EGFR: variants seen among roughly 807,000 people sequenced by gnomAD.
The protein encoded by EGFR is epidermal growth factor receptor.
Under a neutral mutation model 143.0 loss-of-function variants are expected in EGFR, and 58 were observed. The observed-to-expected ratio is 0.41, with a 90% CI of 0.33 to 0.50. The LOEUF is 0.50. Among genes scored for constraint, EGFR ranks in the 20% least tolerant of loss-of-function variants. EGFR has a pLI of 0.39. For synonymous variants in EGFR, 613 were observed against 594.4 expected, an observed-to-expected ratio of 1.03 and a Z score of -0.45; for missense variants, 1,307 against 1,579.0, an observed-to-expected ratio of 0.83 and a Z score of 2.92.
At chr7:55,024,078 C>A (rs944005258) in intron 1 of EGFR, among the ~76,000 whole-genome samples, 1 of 152,176 alleles carries the variant, frequency 6.6e-6, no homozygotes, top group Non-Finnish European at 1.5e-5. Context: ...TCTGATAAAG[C>A]TTTCTTGCTA....
At chr7:55,177,290 G>A (rs1169549848) in intron 19 of EGFR, among the ~76,000 whole-genome samples, 3 of 152,190 alleles carry the variant, frequency 2.0e-5, no homozygotes, top group African/African-American at 7.2e-5. Context: ...GGTAAAGAAA[G>A]CAAAAGCCAG....
At chr7:55,178,119 G>A (rs1256402292) in intron 19 of EGFR, among the ~76,000 whole-genome samples, 1 of 152,216 alleles carries the variant, frequency 6.6e-6, no homozygotes, top group Non-Finnish European at 1.5e-5. Context: ...CAGCAGATGG[G>A]CTGCTCAAAC....
At position 55,207,200 on chromosome 7, in the gene EGFR, T is replaced by C. The variant is rs549724089; in HGVS notation, c.*1583T>C. ...ATTTTCAGCCTACAGTTATGTTCAG[T>C]CACACACACATACAAAATGTTCCTT... On this transcript the variant is annotated 3_prime_UTR_variant, in exon 28 of 28. Coordinates refer to ENST00000275493, the MANE Select transcript of EGFR (RefSeq NM_005228.5). 4.3e-6 allele frequency: 1 copy of C among 233,006 alleles called. No individual in the cohort carries two copies. The highest frequency in any genetic ancestry group is 2.2e-5 in the African/African-American group (1 of 45,456). 14.4% of individuals were successfully genotyped at this position (233,006 alleles called of 1,614,324 possible).
intron 15 of EGFR, chr7:55,168,536 T>C: frequency 6.2e-7 from 1 of 1,602,472 alleles, no homozygotes; most frequent in South Asian, 1.1e-5. Flanking sequence ...CTAATAAATC[T>C]TCACTGTCTG....
chr7:55,038,479 C>T (rs574605486), intron 1 of EGFR, among the ~76,000 whole-genome samples: 1 of 152,294 alleles, frequency 6.6e-6, no homozygotes, highest in Non-Finnish European at 1.5e-5. Flanking sequence ...TCATTGAGCA[C>T]CTACTGTGTG....
At chr7:55,034,403 T>C (rs1175491633) in intron 1 of EGFR, among the ~76,000 whole-genome samples, 4 of 152,054 alleles carry the variant, frequency 2.6e-5, no homozygotes, top group Non-Finnish European at 4.4e-5. Flanking sequence ...CTGACTAATT[T>C]TTGTATGTTT....
intron 1 of EGFR, among the ~76,000 whole-genome samples, chr7:55,089,558 C>T (rs1790977905): frequency 1.3e-5 from 2 of 152,246 alleles, no homozygotes. Context: ...ACAACACTAT[C>T]TCCGTTTCAT....
intron 1 of EGFR, among the ~76,000 whole-genome samples, chr7:55,080,995 A>G (rs577020084): frequency 3.3e-5 from 5 of 152,160 alleles, no homozygotes; most frequent in Non-Finnish European, 5.9e-5. Flanking sequence ...TTTGGCCACT[A>G]TACTACTTAG....
rs17290706 is a variant in EGFR at position 55,201,818 on chromosome 7, C to T, written c.3162+36C>T. 3.7e-3 allele frequency: 5,962 copies of T among 1,605,808 alleles called. 190 individuals are homozygous for T. In the African/African-American group the frequency reaches 0.069, roughly 19 times the overall value. On this transcript the variant is annotated intron_variant, in intron 26 of 27. Transcript: ENST00000275493. ...ACACCTTATAAGCCAGAATTTACAG[C>T]TCTCCACTATGGCTCTATTTTACAT... is the stretch of plus-strand genomic sequence containing the variant.
At chr7:55,133,671 T>C (rs2128921616) in intron 1 of EGFR, among the ~76,000 whole-genome samples, 1 of 152,286 alleles carries the variant, frequency 6.6e-6, no homozygotes, top group African/African-American at 2.4e-5. Flanking sequence ...CCCCGGGTTC[T>C]GTGGTGCTGT....
rs1035962024 is a variant in EGFR at position 55,208,536 on chromosome 7, G to C, written c.*2919G>C. ...ACATTCATAGGTGCCGCCAGCCTTC[G>C]TGCATCTTCTTGCATCATCTCTAAG... On this transcript the variant is annotated 3_prime_UTR_variant, in exon 28 of 28. Coordinates refer to ENST00000275493, the MANE Select transcript of EGFR (RefSeq NM_005228.5). 4 of 152,180 alleles carry C rather than the reference G, an allele frequency of 2.6e-5. No individual in the cohort carries two copies. The highest frequency in any genetic ancestry group is 4.4e-5 in the Non-Finnish European group (3 of 68,066). 9.4% of individuals were successfully genotyped at this position (152,180 alleles called of 1,614,324 possible).
At chr7:55,090,675 G>A (rs1791058206) in intron 1 of EGFR, among the ~76,000 whole-genome samples, 1 of 152,186 alleles carries the variant, frequency 6.6e-6, no homozygotes, top group Non-Finnish European at 1.5e-5. Flanking sequence ...CATACAGCCT[G>A]AGATGCCAAA....
chr7:55,109,715 C>T (rs190576528), intron 1 of EGFR: 2 of 985,110 alleles, frequency 2.0e-6, no homozygotes, highest in East Asian at 1.1e-4. Context: ...ACTCACAGGA[C>T]AAATTCTATC....
intron 23 of EGFR, 117 bp from the exon 24 acceptor site, chr7:55,200,199 C>A: frequency 9.8e-7 from 1 of 1,020,858 alleles, no homozygotes; most frequent in South Asian, 1.3e-5. Flanking sequence ...AGACTTGGTT[C>A]TTTCATCACT....
chr7:55,095,746 A>G (rs1373788034), intron 1 of EGFR, among the ~76,000 whole-genome samples: 2 of 151,452 alleles, frequency 1.3e-5, no homozygotes, highest in Non-Finnish European at 3.0e-5. Flanking sequence ...ACACACAGAC[A>G]TACGCACAGA....
chr7:55,196,470 T>C (rs772430330), intron 22 of EGFR, among the ~76,000 whole-genome samples: 1 of 152,086 alleles, frequency 6.6e-6, no homozygotes, highest in Non-Finnish European at 1.5e-5. Context: ...ATTCTGTGGG[T>C]TGTCTTCACT....
intron 1 of EGFR, among the ~76,000 whole-genome samples, chr7:55,050,121 TA>T (rs1412108213): frequency 6.6e-6 from 1 of 152,198 alleles, no homozygotes; most frequent in African/African-American, 2.4e-5. Flanking sequence ...TAATCATGTA[TA>T]AAAGTGGAGT....
chr7:55,141,511 G>C (rs1198777231), intron 1 of EGFR, among the ~76,000 whole-genome samples: 1 of 152,222 alleles, frequency 6.6e-6, no homozygotes, highest in Admixed American at 6.5e-5. Context: ...GATCAACATG[G>C]AGTGTGGACG....
At chr7:55,072,724 ACGG>A (rs975990486) in intron 1 of EGFR, among the ~76,000 whole-genome samples, 25 of 152,164 alleles carry the variant, frequency 1.6e-4, no homozygotes, top group African/African-American at 6.0e-4. Context: ...ATAAATATTG[ACGG>A]CTGCTTTTAA....
Sources: allele counts gnomAD v4.1 joint callset (sites outside exome capture counted in the v4.1 genomes callset), GRCh38; gene constraint gnomAD v4.1.1; transcripts MANE v1.5; gene names NCBI Gene and HGNC (gene_info 2026-07-23, HGNC 2026-07-21).